SATB1: variants seen among roughly 807,000 people sequenced by gnomAD.
SATB1 encodes the protein DNA-binding protein SATB1.
In SATB1, 11 loss-of-function variants were observed where a neutral mutation model predicts 86.9. That is an observed-to-expected ratio of 0.13 (90% confidence interval 0.08 to 0.21). The LOEUF is 0.21. SATB1 is among the 10% of genes least tolerant of loss of function. The probability of loss-of-function intolerance (pLI) is 1.00; values close to 1 mark genes in which losing one functional copy is unlikely to be tolerated. For synonymous variants in SATB1, 357 were observed against 357.2 expected (o/e 1.00, Z 0.01); for missense variants, 551 against 937.6 (o/e 0.59, Z 5.39).
chr3:18,444,421 T>G lies in SATB1; in HGVS notation c.-25+1097A>C, dbSNP rs1234654093. Among the ~76,000 whole-genome samples the G allele has an allele frequency of 1.3e-5, 2 of 151,980 alleles. No homozygotes were observed. Among genetic ancestry groups the G allele is most frequent in the African/African-American group, 4.8e-5 (2 of 41,376 alleles). The stretch of plus-strand genomic sequence containing the variant: ...CCAGCCCACCCCTCCAAGGTCCGTC[T>G]GCGTGAGAAAAGGGGCTCGGAAGAC... On this transcript the variant is annotated intron_variant, in intron 1 of 3. Coordinates refer to the SATB1 transcript ENST00000415069. This position sits in a 1 kb window ranked among gnomAD's most constrained non-coding sequence, Gnocchi z 5.1.
At position 18,349,711 on chromosome 3, in the gene SATB1, C is replaced by A. The variant is rs531116301; in HGVS notation, c.1780-29G>T. The A allele has an allele frequency of 2.6e-6, 4 of 1,563,358 alleles. No homozygotes were observed. The highest frequency in any genetic ancestry group is 3.5e-6 in the Non-Finnish European group (4 of 1,155,722). ...CAAAGAAACAAGGAGACAATCAGAG[C>A]TCTGCTATCGTGGAGTTCCACACAA... On this transcript the variant is annotated intron_variant, in intron 10 of 10. Coordinates refer to ENST00000338745, the MANE Select transcript of SATB1 (RefSeq NM_002971.6). The surrounding 1 kb of genome is among the most constrained non-coding windows in gnomAD (Gnocchi z 5.5).
At chr3:18,405,945 T>C (rs2125137728) in intron 5 of SATB1, among the ~76,000 whole-genome samples, 1 of 152,160 alleles carries the variant, frequency 6.6e-6, no homozygotes, top group South Asian at 2.1e-4. Flanking sequence ...TCTCAATCAA[T>C]ATTATGAAAA....
chr3:18,366,754 T>C (rs766022406), intron 9 of SATB1, among the ~76,000 whole-genome samples: 3 of 152,154 alleles, frequency 2.0e-5, no homozygotes, highest in Non-Finnish European at 4.4e-5. Context: ...TGAGCTCAAC[T>C]CACACCATGT....
chr3:18,392,584 C>CAT (rs1231155154), intron 7 of SATB1, among the ~76,000 whole-genome samples: 2 of 151,572 alleles, frequency 1.3e-5, no homozygotes, highest in Non-Finnish European at 2.9e-5. Flanking sequence ...TACACACACA[C>CAT]ATATATATAC....
At chr3:18,432,342 A>G (rs1698914959) in intron 2 of SATB1, among the ~76,000 whole-genome samples, 1 of 152,226 alleles carries the variant, frequency 6.6e-6, no homozygotes, top group Non-Finnish European at 1.5e-5. Flanking sequence ...TGTACATATC[A>G]ACCAAATTTC....
intron 9 of SATB1, among the ~76,000 whole-genome samples, chr3:18,357,562 TTA>T (rs1694707986): frequency 7.1e-6 from 1 of 140,592 alleles, no homozygotes; most frequent in Non-Finnish European, 1.6e-5. Flanking sequence ...TTTTTTTTTT[TTA>T]AATAAAGCTG....
intron 9 of SATB1, among the ~76,000 whole-genome samples, chr3:18,373,934 A>G (rs552431327): frequency 6.6e-6 from 1 of 152,322 alleles, no homozygotes; most frequent in Admixed American, 6.5e-5. Context: ...TATTATACCA[A>G]AAGTATGTTA....
In SATB1 at chr3:18,416,141, A is replaced by G; in HGVS notation, c.389-8T>C. 1 of 1,592,870 alleles carries G rather than the reference A, an allele frequency of 6.3e-7. No individual in the cohort carries two copies. Among genetic ancestry groups the G allele is most frequent in the Non-Finnish European group, 8.6e-7 (1 of 1,168,182 alleles). On this transcript the variant is annotated splice_polypyrimidine_tract_variant and splice_region_variant and intron_variant, in intron 3 of 10. Coordinates refer to ENST00000338745, the MANE Select transcript of SATB1 (RefSeq NM_002971.6). ...TTCCAACCTGGATTAGCCCTATTTC[A>G]GATAAAGAGAATATGTCACTAAATA...
In SATB1 at chr3:18,352,349, G is replaced by GA; in HGVS notation, c.1576-155dup. On this transcript the variant is annotated intron_variant, in intron 9 of 10. Coordinates refer to ENST00000338745, the MANE Select transcript of SATB1 (RefSeq NM_002971.6). The surrounding 1 kb of genome is among the most constrained non-coding windows in gnomAD (Gnocchi z 4.1). ...AAAAATTGTTTTTAACTTGTTAAGA[G>GA]AGGTTATCTGTGGCTGTCAAGGAGG... is the stretch of plus-strand genomic sequence containing the variant. 1 of 630,290 alleles carries GA rather than the reference G, an allele frequency of 1.6e-6. No homozygotes were observed. Among genetic ancestry groups the GA allele is most frequent in the South Asian group, 2.1e-5 (1 of 48,734 alleles). The allele number at this position is 630,290 out of a possible 1,614,324, so 39.0% of individuals were successfully genotyped here.
At chr3:18,371,607 A>T (rs1695483397) in intron 9 of SATB1, among the ~76,000 whole-genome samples, 1 of 152,162 alleles carries the variant, frequency 6.6e-6, no homozygotes, top group Non-Finnish European at 1.5e-5. Context: ...CCTTTCACTG[A>T]TGTGAAATTT....
At chr3:18,406,321 G>T (rs1697529641) in intron 5 of SATB1, among the ~76,000 whole-genome samples, 1 of 151,870 alleles carries the variant, frequency 6.6e-6, no homozygotes. Flanking sequence ...GTGAACATGG[G>T]GTGATACTGT....
At chr3:18,362,525 C>T (rs9310549) in intron 9 of SATB1, among the ~76,000 whole-genome samples, 140,573 of 152,100 alleles carry the variant, frequency 0.92, 65,146 homozygotes, top group East Asian at 1. Flanking sequence ...GTCCAACAAT[C>T]TGTATTCATA....
intron 9 of SATB1, among the ~76,000 whole-genome samples, chr3:18,358,696 T>C (rs150433266): frequency 0.014 from 2,154 of 152,064 alleles, 49 homozygotes; most frequent in African/African-American, 0.05. Context: ...TATCCCCCAA[T>C]ATGTTTATTT....
chr3:18,364,425 T>C (rs1440170706), intron 9 of SATB1, among the ~76,000 whole-genome samples: 1 of 152,198 alleles, frequency 6.6e-6, no homozygotes, highest in Non-Finnish European at 1.5e-5. Flanking sequence ...TATTTTAAGA[T>C]ATCTAGAACA....
intron 1 of SATB1, chr3:18,421,264 GCTTA>G: frequency 8.0e-6 from 2 of 250,086 alleles, no homozygotes; most frequent in Non-Finnish European, 1.5e-5. Flanking sequence ...GGAAAAATGG[GCTTA>G]CTTTTAGAAC....
At chr3:18,415,256 A>G in intron 4 of SATB1, 22 bp from the exon 5 acceptor site, 1 of 1,612,008 alleles carries the variant, frequency 6.2e-7, no homozygotes. Context: ...ATAGATTAGA[A>G]AGGGGATTAT....
At chr3:18,422,199 A>G (rs1298809965) in intron 1 of SATB1, among the ~76,000 whole-genome samples, 1 of 152,186 alleles carries the variant, frequency 6.6e-6, no homozygotes, top group East Asian at 1.9e-4. Flanking sequence ...CTAGCTGTCT[A>G]GTAATTTGAT....
chr3:18,408,354 T>G (rs774329021), intron 5 of SATB1, among the ~76,000 whole-genome samples: 6 of 152,060 alleles, frequency 3.9e-5, no homozygotes, highest in African/African-American at 7.2e-5. Context: ...CTTATATTTC[T>G]GTAGCGCCCT....
At chr3:18,440,130 T>C (rs1699198546), upstream of SATB1, among the ~76,000 whole-genome samples, 1 of 152,236 alleles carries the variant, frequency 6.6e-6, no homozygotes, top group Admixed American at 6.5e-5. Flanking sequence ...TTAATCTTTT[T>C]GGAACTTTGT....
Sources: gnomAD v4.1 joint callset for allele counts (sites outside exome capture counted in the v4.1 genomes callset) on GRCh38, gnomAD v4.1.1 for gene constraint, Gnocchi (gnomAD v3.1) non-coding constraint, MANE v1.5 for transcripts, NCBI Gene and HGNC (gene_info 2026-07-23, HGNC 2026-07-21) for gene names.